ANKRD30BL: variants seen among roughly 807,000 people sequenced by gnomAD.
ANKRD30BL encodes ankyrin repeat domain 30B like.
Under a neutral mutation model 18.4 loss-of-function variants are expected in ANKRD30BL, and 20 were observed. The observed-to-expected ratio is 1.09, with a 90% CI of 0.77 to 1.58. ANKRD30BL has a LOEUF of 1.58. Ranked by LOEUF, ANKRD30BL falls within the 40% of genes most tolerant of loss-of-function variation. The probability of loss-of-function intolerance (pLI) is 0.00; values close to 1 mark genes in which losing one functional copy is unlikely to be tolerated. For missense variants in ANKRD30BL, 224 were observed against 268.6 expected (o/e 0.83, Z 1.16); for synonymous variants, 72 against 100.9 (o/e 0.71, Z 1.72).
intron 1 of ANKRD30BL, among the ~76,000 whole-genome samples, chr2:132,170,358 C>T (rs1251418784): frequency 6.6e-6 from 1 of 152,114 alleles, no homozygotes; most frequent in African/African-American, 2.4e-5. Context: ...TAAAGTGAGT[C>T]CTGCTACCCA....
At chr2:132,212,126 G>A (rs555088461) in intron 1 of ANKRD30BL, among the ~76,000 whole-genome samples, 18 of 152,032 alleles carry the variant, frequency 1.2e-4, no homozygotes, top group South Asian at 2.1e-4. Flanking sequence ...CCTTTGTGAT[G>A]TGTGCATTCA....
intron 1 of ANKRD30BL, among the ~76,000 whole-genome samples, chr2:132,170,665 T>A (rs1573813642): frequency 6.6e-6 from 1 of 152,336 alleles, no homozygotes; most frequent in Admixed American, 6.5e-5. Context: ...GCTGAGCCAA[T>A]ACCTACTAAG....
intron 1 of ANKRD30BL, among the ~76,000 whole-genome samples, chr2:132,249,032 C>G (rs142214734): frequency 0.064 from 6,127 of 96,150 alleles, no homozygotes; most frequent in Non-Finnish European, 0.071. Flanking sequence ...AGTTTCCCAT[C>G]TGCTCAATGA....
chr2:132,232,662 C>T (rs1048940938), intron 1 of ANKRD30BL, among the ~76,000 whole-genome samples: 4 of 152,080 alleles, frequency 2.6e-5, no homozygotes, highest in Non-Finnish European at 5.9e-5. Context: ...ATGAGCAAAG[C>T]CTCCAAGAAA....
intron 1 of ANKRD30BL, among the ~76,000 whole-genome samples, chr2:132,251,887 C>T (rs16849050): frequency 1.2e-3 from 190 of 152,334 alleles, no homozygotes; most frequent in Non-Finnish European, 2.2e-3. Context: ...ACGCCTGGAC[C>T]ACCCTTGTTT....
At position 132,161,900 on chromosome 2, in the gene ANKRD30BL, C is replaced by CAGA; in HGVS notation, c.-198_-196dup. 1.7e-6 allele frequency: 1 copy of CAGA among 582,308 alleles called. No individual in the cohort carries two copies. Among genetic ancestry groups the CAGA allele is most frequent in the Non-Finnish European group, 3.1e-6 (1 of 323,992 alleles). The allele number at this position is 582,308 out of a possible 1,614,324, so 36.1% of individuals were successfully genotyped here. A position where few individuals can be genotyped will look rare whatever the true frequency, so the allele number is the denominator to read the frequency against. ...TGCGCAAAACCGTTAGGCAGCTGAG[C>CAGA]AGAACCGTTAGGCACCTGAGCAGAA... On this transcript the variant is annotated 5_prime_UTR_variant, in exon 1 of 6. Transcript: ENST00000409867.
At chr2:132,222,699 G>C (rs565632998) in intron 1 of ANKRD30BL, among the ~76,000 whole-genome samples, 2 of 151,722 alleles carry the variant, frequency 1.3e-5, no homozygotes, top group Admixed American at 6.6e-5. Context: ...CAAACATTGC[G>C]GAAGGCCGCA....
At chr2:132,198,468 C>A (rs1338326226) in intron 1 of ANKRD30BL, among the ~76,000 whole-genome samples, 3 of 151,544 alleles carry the variant, frequency 2.0e-5, no homozygotes, top group Admixed American at 6.6e-5. Context: ...GTACTACAGG[C>A]ATCCGCCACC....
In ANKRD30BL at chr2:132,228,531, T is replaced by G. The variant is rs1218298192; in HGVS notation, n.441+28998A>C. ...TCTTTTGATTGAGCTGTCTTGAAAC[T>G]CTCTTATCGTAAAATCTGCAAGTGG... On this transcript the variant is annotated intron_variant and non_coding_transcript_variant, in intron 1 of 4. Coordinates refer to the ANKRD30BL transcript ENST00000470729. Among the ~76,000 whole-genome samples the G allele has an allele frequency of 2.0e-5, 3 of 150,370 alleles. No homozygotes were observed. In the South Asian group the frequency reaches 6.3e-4, roughly 31 times the overall value.
chr2:132,209,416 C>A (rs1183477832), intron 1 of ANKRD30BL, among the ~76,000 whole-genome samples: 1 of 143,432 alleles, frequency 7.0e-6, no homozygotes, highest in East Asian at 2.1e-4. Context: ...CAGAGCTGAA[C>A]ATTTCTTTTG....
intron 1 of ANKRD30BL, among the ~76,000 whole-genome samples, chr2:132,218,708 C>A (rs548821474): frequency 0.011 from 1,434 of 134,592 alleles, 22 homozygotes; most frequent in African/African-American, 0.036. Flanking sequence ...GTTGAACATA[C>A]CTTATCATAG....
At chr2:132,219,291 C>T (rs1309594967) in intron 1 of ANKRD30BL, among the ~76,000 whole-genome samples, 1 of 149,334 alleles carries the variant, frequency 6.7e-6, no homozygotes, top group Non-Finnish European at 1.5e-5. Flanking sequence ...TGCTTACCAG[C>T]CTTCGCTGGA....
chr2:132,249,353 T>C (rs1204741277), intron 1 of ANKRD30BL, among the ~76,000 whole-genome samples: 1 of 152,052 alleles, frequency 6.6e-6, no homozygotes, highest in Non-Finnish European at 1.5e-5. Flanking sequence ...ATTTGCAGAT[T>C]CTACAAAATA....
At chr2:132,227,995 T>C (rs1452891258) in intron 1 of ANKRD30BL, among the ~76,000 whole-genome samples, 2 of 152,164 alleles carry the variant, frequency 1.3e-5, no homozygotes, top group Non-Finnish European at 2.9e-5. Flanking sequence ...GGGTTAACTC[T>C]TACTTTTGAT....
intron 1 of ANKRD30BL, among the ~76,000 whole-genome samples, chr2:132,183,108 G>C (rs1042465093): frequency 1.3e-5 from 2 of 150,346 alleles, no homozygotes; most frequent in Admixed American, 6.6e-5. Context: ...TAAATTCCTT[G>C]GTACAATAAG....
chr2:132,231,644 G>A lies in ANKRD30BL; in HGVS notation n.441+25885C>T, dbSNP rs575298878. 1.6e-4 allele frequency among the ~76,000 whole-genome samples: 25 copies of A among 152,230 alleles called. No homozygotes were observed. The East Asian group carries it at 1.7e-3, about 11-fold the overall frequency. ...CGCTTTTCGGACCGGCTTAAAAAAC[G>A]GCACACCACGAGATTATATCCCGCA... On this transcript the variant is annotated intron_variant and non_coding_transcript_variant, in intron 1 of 4. Coordinates refer to the ANKRD30BL transcript ENST00000470729.
intron 1 of ANKRD30BL, among the ~76,000 whole-genome samples, chr2:132,238,513 C>T (rs961580982): frequency 1.5e-4 from 23 of 151,628 alleles, no homozygotes; most frequent in Non-Finnish European, 2.7e-4. Flanking sequence ...AACTGACAGA[C>T]TTGAACATTC....
At chr2:132,203,089 G>C (rs1410852365) in intron 1 of ANKRD30BL, among the ~76,000 whole-genome samples, 1 of 152,286 alleles carries the variant, frequency 6.6e-6, no homozygotes, top group East Asian at 1.9e-4. Flanking sequence ...TCTATTTTCG[G>C]TCAACCACAA....
chr2:132,205,977 G>A (rs1276548643), intron 1 of ANKRD30BL, among the ~76,000 whole-genome samples: 1 of 152,042 alleles, frequency 6.6e-6, no homozygotes, highest in Non-Finnish European at 1.5e-5. Flanking sequence ...TGGCCAAGAT[G>A]TGAAACCCCA....
Sources: allele counts gnomAD v4.1 joint callset (sites outside exome capture counted in the v4.1 genomes callset), GRCh38; gene constraint gnomAD v4.1.1; transcripts MANE v1.5; gene names NCBI Gene and HGNC (gene_info 2026-07-23, HGNC 2026-07-21).